Variants in PLXDC2 observed in about 807,000 individuals in gnomAD.
The protein encoded by PLXDC2 is plexin domain-containing protein 2.
In PLXDC2, 40 loss-of-function variants were observed where a neutral mutation model predicts 68.9. That is an observed-to-expected ratio of 0.58 (90% CI 0.45 to 0.76). The LOEUF (loss-of-function observed/expected upper bound fraction) is 0.76, where lower values mean the gene tolerates loss of function less well. PLXDC2 is among the 30% of genes least tolerant of loss of function. The pLI is 0.00. For missense variants in PLXDC2, 644 were observed against 661.9 expected (o/e 0.97, Z 0.30); for synonymous variants, 243 against 234.2 (o/e 1.04, Z -0.34).
At chr10:19,837,436 GTGTGTGTGTA>G (rs1836821249) in intron 1 of PLXDC2, among the ~76,000 whole-genome samples, 5 of 149,234 alleles carry the variant, frequency 3.4e-5, no homozygotes, top group African/African-American at 1.3e-4. Context: ...GTGTGTGTGT[GTGTGTGTGTA>G]TGTGTGTGTT....
Position 20,012,726 on chromosome 10 carries a change from T to G in PLXDC2, c.324+10740T>G, listed in dbSNP as rs188978058. On this transcript the variant is annotated intron_variant, in intron 2 of 13. Transcript: ENST00000377252. ...GCTAACATGTCACTCTATGAACTAT[T>G]AAAGAAGGCATCAAGTACTCAAATG... Among the ~76,000 whole-genome samples, 120 of 152,296 alleles carry G rather than the reference T, an allele frequency of 7.9e-4. 4 individuals are homozygous for G. Among genetic ancestry groups the G allele is most frequent in the African/African-American group, 2.5e-3 (106 of 41,572 alleles).
intron 9 of PLXDC2, among the ~76,000 whole-genome samples, chr10:20,190,568 C>T (rs1395590533): frequency 1.3e-5 from 2 of 148,902 alleles, no homozygotes; most frequent in African/African-American, 2.5e-5. Flanking sequence ...GCACGTTGTG[C>T]ACATGTACCC....
chr10:20,173,143 G>T (rs10508615), intron 7 of PLXDC2, among the ~76,000 whole-genome samples: 1 of 152,056 alleles, frequency 6.6e-6, no homozygotes, highest in Non-Finnish European at 1.5e-5. Flanking sequence ...GTGGTTATAC[G>T]ATACAGGCTA....
intron 2 of PLXDC2, among the ~76,000 whole-genome samples, chr10:20,036,758 C>T (rs75201663): frequency 0.014 from 2,073 of 152,246 alleles, 40 homozygotes; most frequent in African/African-American, 0.045. Flanking sequence ...TGCACACATA[C>T]GCAAGACCCA....
At position 20,248,547 on chromosome 10, in the gene PLXDC2, T is replaced by C. The variant is rs969533521; in HGVS notation, c.1473+3042T>C. 2.6e-5 allele frequency among the ~76,000 whole-genome samples: 4 copies of C among 152,184 alleles called. 1 individual carries two copies. Among genetic ancestry groups the C allele is most frequent in the African/African-American group, 9.7e-5 (4 of 41,446 alleles). ...GCAGGTCTCCCAGCTTTTCTCCGCTTGGCTTTTTTTCCTTCCTGTGGAGTC... is the reference window on the plus strand; with the variant it reads ...GCAGGTCTCCCAGCTTTTCTCCGCTCGGCTTTTTTTCCTTCCTGTGGAGTC... On this transcript the variant is annotated intron_variant, in intron 13 of 13. Transcript: ENST00000377252.
intron 3 of PLXDC2, 114 bp from the exon 4 acceptor site, chr10:20,068,056 A>C: frequency 1.2e-6 from 1 of 848,372 alleles, no homozygotes; most frequent in Non-Finnish European, 1.8e-6. Flanking sequence ...AGAGAACTAC[A>C]ATAATTATGG....
chr10:19,940,558 A>C (rs562279479), intron 1 of PLXDC2, among the ~76,000 whole-genome samples: 27 of 151,998 alleles, frequency 1.8e-4, no homozygotes, highest in East Asian at 9.7e-4. Context: ...CAAAAAAAAA[A>C]AAACAAACAA....
At position 19,903,657 on chromosome 10, in the gene PLXDC2, G is replaced by A. The variant is rs553242294; in HGVS notation, c.112+86466G>A. Among the ~76,000 whole-genome samples, 4 of 143,594 alleles carry A rather than the reference G, an allele frequency of 2.8e-5. No individual in the cohort carries two copies. The East Asian group carries it at 8.1e-4, about 29-fold the overall frequency. 94.2% of individuals were successfully genotyped at this position (143,594 alleles called of 152,430 possible). A position where few individuals can be genotyped will look rare whatever the true frequency, so the allele number is the denominator to read the frequency against. On this transcript the variant is annotated intron_variant, in intron 1 of 13. Transcript: ENST00000377252. ...TGTTTCATTTATCTTTTATATTTTT[G>A]TTTGTTTGTTTCACTTTCATTTAGT...
At chr10:19,890,810 A>G (rs1443318344) in intron 1 of PLXDC2, among the ~76,000 whole-genome samples, 1 of 147,882 alleles carries the variant, frequency 6.8e-6, no homozygotes, top group African/African-American at 2.5e-5. Context: ...TGTGCAATAT[A>G]GTTAGATGTG....
At chr10:19,821,912 T>C (rs1029050340) in intron 1 of PLXDC2, among the ~76,000 whole-genome samples, 26 of 152,118 alleles carry the variant, frequency 1.7e-4, no homozygotes, top group African/African-American at 6.0e-4. Flanking sequence ...TTTTATACAT[T>C]CCTTTAAAAA....
chr10:20,233,088 G>A (rs1835386478), intron 12 of PLXDC2, among the ~76,000 whole-genome samples: 3 of 152,184 alleles, frequency 2.0e-5, no homozygotes, highest in African/African-American at 7.2e-5. Context: ...TAACATTTCT[G>A]ATCATGTGAT....
At chr10:20,129,550 T>TATATATGTGTATATATATACACATACAC (rs1833838209) in intron 4 of PLXDC2, among the ~76,000 whole-genome samples, 2 of 151,030 alleles carry the variant, frequency 1.3e-5, no homozygotes, top group African/African-American at 4.9e-5. Flanking sequence ...CACATACACA[T>TATATATGTGTATATATATACACATACAC]ATATATGTGT....
At chr10:20,180,994 GAC>G (rs1342777249) in intron 9 of PLXDC2, among the ~76,000 whole-genome samples, 1 of 151,982 alleles carries the variant, frequency 6.6e-6, no homozygotes, top group African/African-American at 2.4e-5. Flanking sequence ...AGTGAAAAAA[GAC>G]AGACAAAATC....
chr10:20,106,851 A>G (rs1371026040), intron 4 of PLXDC2, among the ~76,000 whole-genome samples: 1 of 151,866 alleles, frequency 6.6e-6, no homozygotes, highest in Non-Finnish European at 1.5e-5. Context: ...ACTATATACC[A>G]TATACCATAA....
At chr10:19,988,910 C>T (rs1834698118) in intron 1 of PLXDC2, among the ~76,000 whole-genome samples, 1 of 146,968 alleles carries the variant, frequency 6.8e-6, no homozygotes, top group South Asian at 2.2e-4. Context: ...ATTCTCTTGC[C>T]TTAGCCTCCC....
At chr10:19,821,899 T>A (rs1836472185) in intron 1 of PLXDC2, among the ~76,000 whole-genome samples, 1 of 152,226 alleles carries the variant, frequency 6.6e-6, no homozygotes, top group African/African-American at 2.4e-5. Context: ...CATATCTTTT[T>A]TCTTTTATAC....
chr10:19,993,162 C>G (rs940592728), intron 1 of PLXDC2, among the ~76,000 whole-genome samples: 1 of 152,094 alleles, frequency 6.6e-6, no homozygotes, highest in Non-Finnish European at 1.5e-5. Flanking sequence ...ATGTGTAAAA[C>G]AACTTTGTTT....
At chr10:19,843,327 T>C (rs1836941482) in intron 1 of PLXDC2, among the ~76,000 whole-genome samples, 3 of 152,194 alleles carry the variant, frequency 2.0e-5, no homozygotes, top group Non-Finnish European at 4.4e-5. Flanking sequence ...CAATGTCAAT[T>C]TATCCAATAT....
intron 4 of PLXDC2, among the ~76,000 whole-genome samples, chr10:20,127,865 C>T (rs1277060812): frequency 6.6e-6 from 1 of 152,072 alleles, no homozygotes; most frequent in Non-Finnish European, 1.5e-5. Flanking sequence ...CTGTTATTTT[C>T]ATTAGGTTGG....
Sources: allele counts gnomAD v4.1 joint callset (sites outside exome capture counted in the v4.1 genomes callset), GRCh38; gene constraint gnomAD v4.1.1; transcripts MANE v1.5; gene names NCBI Gene and HGNC (gene_info 2026-07-23, HGNC 2026-07-21).